The following NFILZ variants were observed in gnomAD, a reference collection of about 807,000 sequenced individuals.
The protein encoded by NFILZ is NFIL3 like basic leucine zipper.
intron 3 of NFILZ, among the ~76,000 whole-genome samples, chr19:8,654,723 C>A (rs961682471): frequency 6.6e-6 from 1 of 152,170 alleles, no homozygotes; most frequent in South Asian, 2.1e-4. Context: ...CAGTTCCATA[C>A]AGCGCCCACC....
Position 8,656,480 on chromosome 19 carries a change from C to CGCAGCCCACCTTCTCCT in NFILZ, c.-163-18055_-163-18054insTGCAGCCCACCTTCTCC, listed in dbSNP as rs2043002619. On this transcript the variant is annotated intron_variant, in intron 3 of 5. Transcript: ENST00000691075. ...CTTCTCTCTGAAGCCCACCTTCTCC[C>CGCAGCCCACCTTCTCCT]GCAGCCCACCTTCTCCCGCAGCCCA... Among the ~76,000 whole-genome samples the CGCAGCCCACCTTCTCCT allele has an allele frequency of 1.1e-4, 5 of 43,974 alleles. 1 individual carries two copies. The highest frequency in any genetic ancestry group is 7.4e-4 in the Admixed American group (3 of 4,070). The allele number at this position is 43,974 out of a possible 152,430, so 28.8% of individuals were successfully genotyped here.
intron 3 of NFILZ, among the ~76,000 whole-genome samples, chr19:8,659,823 G>T (rs28418904): frequency 6.6e-6 from 1 of 152,214 alleles, no homozygotes; most frequent in Non-Finnish European, 1.5e-5. Context: ...TATATTCTAG[G>T]CTTGGGGTGA....
At chr19:8,630,958 G>T (rs797038879) in intron 1 of NFILZ, among the ~76,000 whole-genome samples, 3 of 152,160 alleles carry the variant, frequency 2.0e-5, no homozygotes. Flanking sequence ...TGCCCGGGTC[G>T]TGTTGCATGG....
Position 8,678,084 on chromosome 19 carries a change from C to T in NFILZ, c.*449C>T, listed in dbSNP as rs111211972. 7.0e-5 allele frequency among the ~76,000 whole-genome samples: 5 copies of T among 71,694 alleles called. No individual in the cohort carries two copies. Among genetic ancestry groups the T allele is most frequent in the Non-Finnish European group, 1.2e-4 (4 of 33,768 alleles). The allele number at this position is 71,694 out of a possible 152,430, so 47.0% of individuals were successfully genotyped here. ...TCTATTCATCCATCCATCAATCCAT[C>T]CATCCATTCCATCCATCCATCCATC... On this transcript the variant is annotated 3_prime_UTR_variant, in exon 6 of 6. Transcript: ENST00000691075.
chr19:8,655,585 T>C (rs114652598), intron 3 of NFILZ, among the ~76,000 whole-genome samples: 1,714 of 152,264 alleles, frequency 0.011, 28 homozygotes, highest in African/African-American at 0.039. Context: ...ACAAGGCTGA[T>C]GAGGCTCACG....
chr19:8,641,575 T>G (rs1004863337), intron 3 of NFILZ, among the ~76,000 whole-genome samples: 2 of 152,174 alleles, frequency 1.3e-5, no homozygotes, highest in Non-Finnish European at 2.9e-5. Flanking sequence ...GTTCTCTTAT[T>G]TTACACATGG....
chr19:8,666,883 C>T (rs1161457561), intron 3 of NFILZ, among the ~76,000 whole-genome samples: 1 of 151,664 alleles, frequency 6.6e-6, no homozygotes, highest in Non-Finnish European at 1.5e-5. Flanking sequence ...CAGAGGTGCA[C>T]ACCACCATGC....
chr19:8,653,026 TTCTTTCTTTCTTTCTCTCTCTC>T, intron 3 of NFILZ, among the ~76,000 whole-genome samples: 1 of 57,394 alleles, frequency 1.7e-5, no homozygotes, highest in African/African-American at 6.8e-5. Context: ...CTTTCTTTCT[TTCTTTCTTTCTTTCTCTCTCTC>T]TCTCTCTCTC....
intron 3 of NFILZ, among the ~76,000 whole-genome samples, chr19:8,648,792 T>C (rs2042953248): frequency 6.6e-6 from 1 of 151,264 alleles, no homozygotes; most frequent in South Asian, 2.1e-4. Context: ...GGTGGAGATT[T>C]GCAGTGAGTC....
intron 3 of NFILZ, among the ~76,000 whole-genome samples, chr19:8,644,797 G>A (rs1016287839): frequency 3.7e-4 from 55 of 147,766 alleles, no homozygotes; most frequent in Non-Finnish European, 1.5e-4. Flanking sequence ...CTGAGTTTTC[G>A]CTCTTGTTGC....
At chr19:8,647,729 TGGACACAG>T (rs1299133515) in intron 3 of NFILZ, among the ~76,000 whole-genome samples, 1 of 143,762 alleles carries the variant, frequency 7.0e-6, no homozygotes, top group Admixed American at 7.0e-5. Context: ...TGAGAACACA[TGGACACAG>T]GGAGGGGAAC....
chr19:8,659,370 C>T (rs904924600), intron 3 of NFILZ, among the ~76,000 whole-genome samples: 15 of 152,024 alleles, frequency 9.9e-5, no homozygotes, highest in African/African-American at 3.4e-4. Flanking sequence ...TCTGGTAGGT[C>T]GGAGAGGGCT....
chr19:8,671,291 C>T lies in NFILZ; in HGVS notation c.-163-3260C>T, dbSNP rs138951951. 1.1e-3 allele frequency among the ~76,000 whole-genome samples: 160 copies of T among 152,224 alleles called. 2 individuals are homozygous for T. Among genetic ancestry groups the T allele is most frequent in the African/African-American group, 3.7e-3 (153 of 41,530 alleles). ...TCTCGCCACCCTCCGTTAGCACTTCCTCTGCGACCACAGGAAGGCCCAGCC... is the reference window on the plus strand; with the variant it reads ...TCTCGCCACCCTCCGTTAGCACTTCTTCTGCGACCACAGGAAGGCCCAGCC... On this transcript the variant is annotated intron_variant, in intron 3 of 5. Transcript: ENST00000691075.
At chr19:8,646,079 C>T (rs1195304899) in intron 3 of NFILZ, among the ~76,000 whole-genome samples, 1 of 151,914 alleles carries the variant, frequency 6.6e-6, no homozygotes, top group Non-Finnish European at 1.5e-5. Context: ...CTCTGTTGCC[C>T]AGGCTGGAGT....
At chr19:8,645,412 T>G (rs1555747000) in intron 3 of NFILZ, among the ~76,000 whole-genome samples, 1 of 151,974 alleles carries the variant, frequency 6.6e-6, no homozygotes, top group Non-Finnish European at 1.5e-5. Context: ...AGTGCTGGGA[T>G]TACAGGCATG....
chr19:8,680,132 G>A lies in NFILZ; in HGVS notation c.*2497G>A, dbSNP rs576558376. 6.6e-6 allele frequency among the ~76,000 whole-genome samples: 1 copy of A among 150,764 alleles called. No homozygotes were observed. The highest frequency in any genetic ancestry group is 2.4e-5 in the African/African-American group (1 of 41,000). On this transcript the variant is annotated 3_prime_UTR_variant, in exon 6 of 6. Coordinates refer to ENST00000691075, the MANE Select transcript of NFILZ (RefSeq NM_001378600.1). ...AATCACTTGAACCCAGGAGGTGGAG[G>A]CTGCAGCGAGCTGAGATTGCACCAC... is the stretch of plus-strand genomic sequence containing the variant.
chr19:8,650,660 A>AC (rs1312924760), intron 3 of NFILZ, among the ~76,000 whole-genome samples: 6 of 151,912 alleles, frequency 3.9e-5, no homozygotes, highest in Non-Finnish European at 7.4e-5. Context: ...TCTCAAAAAA[A>AC]AAAAAAAAAG....
chr19:8,642,018 T>A (rs2042921324), intron 3 of NFILZ, among the ~76,000 whole-genome samples: 1 of 152,032 alleles, frequency 6.6e-6, no homozygotes, highest in Non-Finnish European at 1.5e-5. Flanking sequence ...CATTTTATGT[T>A]TTTTGTAGAG....
At chr19:8,647,789 G>GCTCA (rs1305749598) in intron 3 of NFILZ, among the ~76,000 whole-genome samples, 1 of 107,934 alleles carries the variant, frequency 9.3e-6, no homozygotes, top group Non-Finnish European at 1.8e-5. Flanking sequence ...GCGCGCGCGC[G>GCTCA]CGCGCGCACA....
Sources: allele counts gnomAD v4.1 joint callset (sites outside exome capture counted in the v4.1 genomes callset), GRCh38; gene constraint gnomAD v4.1.1; transcripts MANE v1.5; gene names NCBI Gene and HGNC (gene_info 2026-07-23, HGNC 2026-07-21).